ENPP6: variants seen among roughly 807,000 people sequenced by gnomAD.
ENPP6 encodes ectonucleotide pyrophosphatase/phosphodiesterase 6.
Under a neutral mutation model 42.0 loss-of-function variants are expected in ENPP6, and 32 were observed. The observed-to-expected ratio is 0.76, with a 90% CI of 0.58 to 1.02. ENPP6 has a LOEUF of 1.02. Ranked by LOEUF, ENPP6 falls within the 50% of genes least tolerant of loss-of-function variation. ENPP6 has a pLI of 0.00. For missense variants in ENPP6, 552 were observed against 566.8 expected, an observed-to-expected ratio of 0.97 and a Z score of 0.27; for synonymous variants, 213 against 216.0, an observed-to-expected ratio of 0.99 and a Z score of 0.12.
Position 184,091,313 on chromosome 4 carries a change from A to G in ENPP6, c.1187T>C (p.Val396Ala). Residue 396 changes from valine (V) to alanine (A), a missense_variant, in exon 8 of 8, where the codon GTG becomes GCG. By Grantham distance (64) the Val-to-Ala change is moderately conservative. Around this residue, in one of 2 missense-constraint regions of ENPP6, gnomAD observed 545 missense variants for 546.3 expected, o/e 1.00. Coordinates refer to ENST00000296741, the MANE Select transcript of ENPP6 (RefSeq NM_153343.4). ...GTTGTTGGGCAGCGGGGTGATGCCC[A>G]CCACATTGCACATGACATTGTAGAC... The part of the protein sequence containing the change: ...VDVYNVMCNV[V>A]GITPLPNNGS... 6.2e-7 allele frequency: 1 copy of G among 1,614,150 alleles called. No individual in the cohort carries two copies. Among genetic ancestry groups the G allele is most frequent in the Non-Finnish European group, 8.5e-7 (1 of 1,180,022 alleles).
chr4:184,092,571 C>T (rs1735828608), intron 7 of ENPP6, among the ~76,000 whole-genome samples: 4 of 152,266 alleles, frequency 2.6e-5, no homozygotes, highest in African/African-American at 4.8e-5. Flanking sequence ...TTCTCTACAG[C>T]GGGCAGATGA....
At chr4:184,099,651 T>C (rs1735967197) in intron 6 of ENPP6, among the ~76,000 whole-genome samples, 1 of 152,232 alleles carries the variant, frequency 6.6e-6, no homozygotes. Context: ...AATCGCCCCC[T>C]CGCATTGCAG....
intron 2 of ENPP6, among the ~76,000 whole-genome samples, chr4:184,136,831 G>C (rs1468717234): frequency 6.6e-6 from 1 of 152,120 alleles, no homozygotes; most frequent in Non-Finnish European, 1.5e-5. Flanking sequence ...AGCACTTCTT[G>C]AATGTATAGT....
intron 6 of ENPP6, among the ~76,000 whole-genome samples, chr4:184,107,844 G>A (rs1011130352): frequency 3.3e-5 from 5 of 151,794 alleles, no homozygotes; most frequent in African/African-American, 1.2e-4. Context: ...GAACCCGGGA[G>A]GCGGAGCTTG....
intron 1 of ENPP6, among the ~76,000 whole-genome samples, chr4:184,161,043 T>C (rs574383251): frequency 2.6e-5 from 4 of 151,958 alleles, no homozygotes; most frequent in Admixed American, 2.6e-4. Flanking sequence ...CAAAAATAAA[T>C]AGATGGGACT....
chr4:184,173,400 ATGG>A (rs1245428453), intron 1 of ENPP6, among the ~76,000 whole-genome samples: 1 of 152,208 alleles, frequency 6.6e-6, no homozygotes, highest in Non-Finnish European at 1.5e-5. Context: ...CCTATTATAA[ATGG>A]TGCAAGTTTC....
At chr4:184,107,732 A>G (rs1426402047) in intron 6 of ENPP6, among the ~76,000 whole-genome samples, 6 of 152,128 alleles carry the variant, frequency 3.9e-5, no homozygotes, top group Non-Finnish European at 8.8e-5. Context: ...TGGTTAACAC[A>G]GTGAAACCTC....
At chr4:184,202,409 G>T (rs1366919569) in intron 1 of ENPP6, among the ~76,000 whole-genome samples, 1 of 152,188 alleles carries the variant, frequency 6.6e-6, no homozygotes, top group Non-Finnish European at 1.5e-5. Flanking sequence ...GATAGATGCG[G>T]TGAAGTCTGG....
chr4:184,204,166 A>C (rs985150732), intron 1 of ENPP6: 1 of 152,182 alleles, frequency 6.6e-6, no homozygotes, highest in East Asian at 1.9e-4. Context: ...TGCCCACCCT[A>C]GTGACCTCAT....
At chr4:184,143,670 C>T (rs1736868732) in intron 2 of ENPP6, among the ~76,000 whole-genome samples, 1 of 152,254 alleles carries the variant, frequency 6.6e-6, no homozygotes, top group African/African-American at 2.4e-5. Flanking sequence ...CAATCTGGAA[C>T]ATGGCTCCTG....
intron 1 of ENPP6, among the ~76,000 whole-genome samples, chr4:184,188,720 G>A (rs1484432080): frequency 1.3e-5 from 2 of 152,108 alleles, no homozygotes; most frequent in African/African-American, 4.8e-5. Context: ...TCAGGAAAAT[G>A]TATTGCCAAT....
In ENPP6 at chr4:184,108,932, G is replaced by A. The variant is rs536443820; in HGVS notation, c.993+3740C>T. Among the ~76,000 whole-genome samples, 7 of 152,330 alleles carry A rather than the reference G, an allele frequency of 4.6e-5. No homozygotes were observed. In the East Asian group the frequency reaches 5.8e-4, roughly 13 times the overall value. On this transcript the variant is annotated intron_variant, in intron 6 of 7. Coordinates refer to ENST00000296741, the MANE Select transcript of ENPP6 (RefSeq NM_153343.4). ...TATTTTCAGAACTAACAATAGCAGC[G>A]GGACGCAGTGGCTCACGCCTGTCAT...
At chr4:184,197,699 G>A (rs1235106927) in intron 1 of ENPP6, among the ~76,000 whole-genome samples, 1 of 152,248 alleles carries the variant, frequency 6.6e-6, no homozygotes, top group Non-Finnish European at 1.5e-5. Context: ...TTGGGATGTA[G>A]TGGATTTTGT....
At chr4:184,120,697 G>C (rs574151721) in intron 3 of ENPP6, among the ~76,000 whole-genome samples, 27 of 152,102 alleles carry the variant, frequency 1.8e-4, no homozygotes, top group Non-Finnish European at 1.5e-4. Context: ...GGCCGTGTGT[G>C]GGGGGCACTG....
chr4:184,144,718 T>A (rs963004422), intron 2 of ENPP6, among the ~76,000 whole-genome samples: 4 of 152,196 alleles, frequency 2.6e-5, no homozygotes, highest in African/African-American at 9.6e-5. Context: ...GGAAGGAACC[T>A]TCTTCACCCT....
intron 1 of ENPP6, among the ~76,000 whole-genome samples, chr4:184,164,607 G>T (rs6552760): frequency 0.37 from 55,892 of 151,856 alleles, 10,806 homozygotes; most frequent in East Asian, 0.6. Flanking sequence ...GAGGGAGCAC[G>T]CCCCATCCAC....
rs1267065367 is a variant in ENPP6 at position 184,195,382 on chromosome 4, T to C, written c.241+22197A>G. Among the ~76,000 whole-genome samples, 3 of 152,210 alleles carry C rather than the reference T, an allele frequency of 2.0e-5. No homozygotes were observed. The South Asian group carries it at 6.2e-4, about 32-fold the overall frequency. ...ACTCATAAGTGACAACATGTGGTAT[T>C]TGGTGTTCTGTTCTTGCATTAGTTT... On this transcript the variant is annotated intron_variant, in intron 1 of 7. Transcript: ENST00000296741.
intron 1 of ENPP6, among the ~76,000 whole-genome samples, chr4:184,159,423 A>G (rs1354629201): frequency 1.3e-5 from 2 of 152,200 alleles, no homozygotes; most frequent in East Asian, 1.9e-4. Context: ...GCAGCAGCCA[A>G]TCACCAGCAG....
At position 184,178,458 on chromosome 4, in the gene ENPP6, A is replaced by T. The variant is rs148022339; in HGVS notation, c.242-24725T>A. Among the ~76,000 whole-genome samples, 21 of 152,322 alleles carry T rather than the reference A, an allele frequency of 1.4e-4. No individual in the cohort carries two copies. In the East Asian group the frequency reaches 4.1e-3, roughly 29 times the overall value. On this transcript the variant is annotated intron_variant, in intron 1 of 7. Transcript: ENST00000296741. ...GCTGGAAAACATATTTCAGTATATC[A>T]TCCAGGAAAACTTCCCCAACCTAGC...
Sources: gnomAD v4.1 joint callset for allele counts (sites outside exome capture counted in the v4.1 genomes callset) on GRCh38, gnomAD v4.1.1 for gene constraint, gnomAD v4.1.1 regional missense constraint, MANE v1.5 for transcripts, NCBI Gene and HGNC (gene_info 2026-07-23, HGNC 2026-07-21) for gene names.